ALG9: variants seen among roughly 807,000 people sequenced by gnomAD.
ALG9 encodes the protein alpha-1,2-mannosyltransferase ALG9.
In ALG9, 55 loss-of-function variants were observed where a neutral mutation model predicts 81.8. The ratio of observed to expected loss-of-function variants is 0.67; its 90% CI spans 0.54 to 0.84. The LOEUF is 0.84. Among genes scored for constraint, ALG9 ranks in the 40% least tolerant of loss-of-function variants. ALG9 has a pLI of 0.00. For synonymous variants in ALG9, 278 were observed against 274.3 expected, an observed-to-expected ratio of 1.01 and a Z score of -0.13; for missense variants, 629 against 745.0, an observed-to-expected ratio of 0.84 and a Z score of 1.81.
At chr11:111,851,052 T>C (rs147549546) in intron 8 of ALG9, among the ~76,000 whole-genome samples, 356 of 152,362 alleles carry the variant, frequency 2.3e-3, no homozygotes, top group Admixed American at 9.0e-3. Flanking sequence ...AAAGACTGGC[T>C]ACTGCTCTAC....
At chr11:111,787,676 T>C (rs1946681793) in intron 14 of ALG9, among the ~76,000 whole-genome samples, 1 of 151,858 alleles carries the variant, frequency 6.6e-6, no homozygotes, top group African/African-American at 2.4e-5. Context: ...GCCAGGGTGG[T>C]CTTGATCTCC....
At chr11:111,795,449 A>G (rs1555074464) in intron 14 of ALG9, among the ~76,000 whole-genome samples, 1 of 152,172 alleles carries the variant, frequency 6.6e-6, no homozygotes, top group East Asian at 1.9e-4. Flanking sequence ...CGTGTTGCTA[A>G]AGAAAATATA....
chr11:111,795,308 T>C (rs1253885212), intron 14 of ALG9, among the ~76,000 whole-genome samples: 4 of 152,184 alleles, frequency 2.6e-5, no homozygotes, highest in African/African-American at 9.7e-5. Flanking sequence ...TAAAGTTTTT[T>C]TTCTGTTCTC....
At chr11:111,836,433 G>C in intron 12 of ALG9, 139 bp from the exon 13 acceptor site, 1 of 1,096,666 alleles carries the variant, frequency 9.1e-7, no homozygotes, top group Middle Eastern at 2.1e-4. Flanking sequence ...CTCAACCAGG[G>C]AGCACAGAGG....
chr11:111,801,707 C>CT (rs1949145487), intron 14 of ALG9, among the ~76,000 whole-genome samples: 1 of 152,230 alleles, frequency 6.6e-6, no homozygotes, highest in South Asian at 2.1e-4. Flanking sequence ...CTCTTCAGCT[C>CT]TTTACCCAAA....
chr11:111,855,850 A>C (rs868913651), intron 6 of ALG9, among the ~76,000 whole-genome samples: 13 of 152,208 alleles, frequency 8.5e-5, no homozygotes, highest in Non-Finnish European at 1.3e-4. Context: ...AATAGAAGAA[A>C]GGAATGGAGA....
At chr11:111,856,276 CAAAAAAAAAAAAAAA>C (rs1175162630) in intron 6 of ALG9, among the ~76,000 whole-genome samples, 2 of 38,586 alleles carry the variant, frequency 5.2e-5, no homozygotes, top group Admixed American at 2.6e-4. Context: ...GACTCCATCT[CAAAAAAAAAAAAAAA>C]AAAAAGAAAA....
intron 2 of ALG9, among the ~76,000 whole-genome samples, chr11:111,870,013 T>C (rs1200573375): frequency 4.6e-5 from 7 of 152,200 alleles, no homozygotes; most frequent in South Asian, 2.1e-4. Context: ...GGTTTCACCA[T>C]GTTGGTCAGG....
intron 13 of ALG9, among the ~76,000 whole-genome samples, chr11:111,835,245 T>C (rs1002925050): frequency 1.3e-5 from 2 of 152,232 alleles, no homozygotes; most frequent in Non-Finnish European, 2.9e-5. Flanking sequence ...CTAATAATTC[T>C]AGACAACGAT....
intron 6 of ALG9, among the ~76,000 whole-genome samples, chr11:111,854,268 T>A (rs1431174406): frequency 1.4e-5 from 2 of 138,696 alleles, no homozygotes; most frequent in African/African-American, 5.4e-5. Flanking sequence ...GGCTAATTTT[T>A]TTTTTTTTTT....
the ALG9 span, among the ~76,000 whole-genome samples, chr11:111,776,666 A>G: frequency 6.6e-6 from 1 of 152,216 alleles, no homozygotes; most frequent in East Asian, 1.9e-4. Flanking sequence ...GTACAGTCCC[A>G]CATATTTCTA....
chr11:111,819,172 C>G (rs1270144194), intron 13 of ALG9, among the ~76,000 whole-genome samples: 3 of 152,192 alleles, frequency 2.0e-5, no homozygotes, highest in Non-Finnish European at 2.9e-5. Context: ...CATGTGGGGA[C>G]AAGGAAAGAA....
intron 3 of ALG9, among the ~76,000 whole-genome samples, chr11:111,866,564 G>T (rs797032393): frequency 1.1e-4 from 16 of 152,164 alleles, no homozygotes; most frequent in African/African-American, 3.6e-4. Flanking sequence ...TAGGAAAAAG[G>T]AGATCAGAAG....
intron 13 of ALG9, among the ~76,000 whole-genome samples, chr11:111,834,324 G>A (rs1408904994): frequency 2.0e-5 from 3 of 152,134 alleles, no homozygotes; most frequent in South Asian, 2.1e-4. Context: ...GGTGGAAAAC[G>A]CAATGATGAG....
chr11:111,870,330 C>T lies in ALG9; in HGVS notation c.172G>A (p.Gly58Arg). 3 of 1,596,066 alleles carry T rather than the reference C, an allele frequency of 1.9e-6. No homozygotes were observed. Among genetic ancestry groups the T allele is most frequent in the Non-Finnish European group, 2.6e-6 (3 of 1,174,088 alleles). The change falls in exon 2 of 15, where the codon GGA becomes AGA. Residue 58 changes from glycine (G) to arginine (R), a missense_variant. This residue lies in a region of ALG9 where 344 missense variants were observed against 390.5 expected (regional missense o/e 0.88). Transcript: ENST00000616540. ...AGCAGACACTTGAAAGCAGTAGATC[C>T]TTCAGGTGCCCAGACTTGTCCTGCT... Reference protein sequence around the residue: ...NKAGQVWAPEGSTAFKCLLSA... With the variant: ...NKAGQVWAPERSTAFKCLLSA...
intron 13 of ALG9, among the ~76,000 whole-genome samples, chr11:111,824,313 C>A (rs182323191): frequency 1.3e-5 from 2 of 151,348 alleles, no homozygotes; most frequent in Admixed American, 1.3e-4. Context: ...AAAGAAAAAT[C>A]ACACAAATTT....
intron 14 of ALG9, among the ~76,000 whole-genome samples, chr11:111,792,104 T>C (rs1425353956): frequency 6.6e-6 from 1 of 152,220 alleles, no homozygotes; most frequent in African/African-American, 2.4e-5. Context: ...AAAACCTCCT[T>C]TGAGAGGTCT....
At chr11:111,775,017 G>A in the ALG9 span, among the ~76,000 whole-genome samples, 29 of 152,140 alleles carry the variant, frequency 1.9e-4, no homozygotes, top group African/African-American at 5.5e-4. Context: ...TGAACTCCTG[G>A]GCTCAGGCAG....
intron 10 of ALG9, 65 bp from the exon 11 acceptor site, chr11:111,838,464 G>A (rs1419919963): frequency 5.6e-6 from 8 of 1,438,358 alleles, no homozygotes; most frequent in South Asian, 2.5e-5. Context: ...AACATCAAGA[G>A]CGAAGCCAAA....
Sources: allele counts gnomAD v4.1 joint callset (sites outside exome capture counted in the v4.1 genomes callset), GRCh38; gene constraint gnomAD v4.1.1; regional missense constraint gnomAD v4.1.1; transcripts MANE v1.5; gene names NCBI Gene and HGNC (gene_info 2026-07-23, HGNC 2026-07-21).